The following HERC4 variants were observed in gnomAD, a reference collection of about 807,000 sequenced individuals.
The protein encoded by HERC4 is HECT and RLD domain containing E3 ubiquitin protein ligase 4, also known as probable E3 ubiquitin-protein ligase HERC4.
HERC4 carries 28 observed loss-of-function variants against 124.3 expected under a neutral mutation model. That is an observed-to-expected ratio of 0.23 (90% CI 0.17 to 0.31). The LOEUF is 0.31. HERC4 is among the 10% of genes least tolerant of loss of function. The pLI is 1.00. For synonymous variants in HERC4, 407 were observed against 421.5 expected, an observed-to-expected ratio of 0.97 and a Z score of 0.42; for missense variants, 713 against 1,229.3, an observed-to-expected ratio of 0.58 and a Z score of 6.28.
chr10:67,933,660 A>G (rs2032059382), intron 22 of HERC4, among the ~76,000 whole-genome samples: 1 of 152,132 alleles, frequency 6.6e-6, no homozygotes, highest in African/African-American at 2.4e-5. Flanking sequence ...TTTTCACATC[A>G]TTTTAAAAAC....
chr10:68,008,531 C>T (rs2037727942), intron 9 of HERC4, among the ~76,000 whole-genome samples: 1 of 152,068 alleles, frequency 6.6e-6, no homozygotes, highest in African/African-American at 2.4e-5. Context: ...GTGCTGCTGA[C>T]CGGTTGGGGA....
chr10:67,955,295 T>C (rs41274096), intron 17 of HERC4, 165 bp from the exon 18 acceptor site: 619 of 575,170 alleles, frequency 1.1e-3, no homozygotes, highest in Non-Finnish European at 1.5e-3. Flanking sequence ...CTTAATAAAC[T>C]GAGCATAAAG....
chr10:68,049,058 T>C (rs2040154093), intron 3 of HERC4, among the ~76,000 whole-genome samples: 1 of 152,136 alleles, frequency 6.6e-6, no homozygotes, highest in African/African-American at 2.4e-5. Context: ...AGGAATTTGT[T>C]CTACAGATAT....
intron 15 of HERC4, among the ~76,000 whole-genome samples, chr10:67,972,055 A>G (rs1051430357): frequency 3.3e-5 from 5 of 151,416 alleles, no homozygotes; most frequent in African/African-American, 9.7e-5. Context: ...CTTTACTACA[A>G]ATGTAAGAAT....
intron 3 of HERC4, among the ~76,000 whole-genome samples, chr10:68,053,310 C>CTT (rs201367135): frequency 2.4e-4 from 35 of 143,696 alleles, no homozygotes; most frequent in Admixed American, 1.8e-3. Context: ...AAGCACTACA[C>CTT]TTTTTTTTTT....
At chr10:68,018,626 A>C (rs978103775) in intron 8 of HERC4, among the ~76,000 whole-genome samples, 3 of 152,216 alleles carry the variant, frequency 2.0e-5, no homozygotes, top group African/African-American at 7.2e-5. Context: ...AGGTGGTTGT[A>C]TTTAAAATCA....
At chr10:68,032,983 C>G (rs1270535359) in intron 6 of HERC4, 114 bp from the exon 7 acceptor site, 2 of 636,390 alleles carry the variant, frequency 3.1e-6, no homozygotes, top group Admixed American at 5.1e-5. Flanking sequence ...ATAATTTTAA[C>G]TATGATTCGA....
intron 9 of HERC4, among the ~76,000 whole-genome samples, chr10:68,004,893 T>C (rs912432609): frequency 1.3e-5 from 2 of 152,136 alleles, no homozygotes; most frequent in African/African-American, 2.4e-5. Flanking sequence ...CGTTGACACA[T>C]GGGGATTATG....
At chr10:68,011,653 T>C (rs2037962396) in intron 9 of HERC4, among the ~76,000 whole-genome samples, 1 of 152,238 alleles carries the variant, frequency 6.6e-6, no homozygotes, top group Admixed American at 6.5e-5. Flanking sequence ...TACACCATGC[T>C]GTAAACAGAT....
chr10:67,951,337 G>A (rs1192219892), intron 19 of HERC4, among the ~76,000 whole-genome samples: 1 of 152,146 alleles, frequency 6.6e-6, no homozygotes, highest in Non-Finnish European at 1.5e-5. Flanking sequence ...ACTTACCTCA[G>A]AGGCCATTAG....
intron 9 of HERC4, chr10:68,010,770 G>C (rs2037902713): frequency 2.7e-6 from 4 of 1,496,848 alleles, no homozygotes; most frequent in African/African-American, 2.8e-5. Context: ...AGAACCCCCA[G>C]GGTAAGCCCC....
At chr10:68,069,447 A>C (rs1031107062) in intron 3 of HERC4, 1 of 985,370 alleles carries the variant, frequency 1.0e-6, no homozygotes, top group Non-Finnish European at 1.2e-6. Flanking sequence ...ACATGAACAT[A>C]ATCTGCACCT....
At chr10:67,971,566 C>G (rs2035236122) in intron 15 of HERC4, among the ~76,000 whole-genome samples, 1 of 151,966 alleles carries the variant, frequency 6.6e-6, no homozygotes, top group African/African-American at 2.4e-5. Flanking sequence ...GAAACAATAT[C>G]TGATAAAATT....
intron 15 of HERC4, among the ~76,000 whole-genome samples, chr10:67,973,940 G>C (rs145013992): frequency 6.6e-6 from 1 of 151,124 alleles, no homozygotes; most frequent in Non-Finnish European, 1.5e-5. Flanking sequence ...CCAGCTACTC[G>C]GGAGGCTGAG....
chr10:67,995,930 T>G, intron 9 of HERC4: 1 of 224,468 alleles, frequency 4.5e-6, no homozygotes, highest in Non-Finnish European at 9.1e-6. Context: ...TGATGCCTTG[T>G]TTCAATGTGT....
chr10:67,927,598 G>T (rs12415059), intron 23 of HERC4, among the ~76,000 whole-genome samples: 1 of 150,556 alleles, frequency 6.6e-6, no homozygotes, highest in Admixed American at 6.6e-5. Flanking sequence ...GCTAATTTTC[G>T]TATTTTTAGT....
In HERC4 at chr10:67,990,804, A is replaced by C. The variant is rs1294410889; in HGVS notation, c.1443+100T>G. 6.4e-6 allele frequency: 4 copies of C among 623,084 alleles called. No individual in the cohort carries two copies. The African/African-American group carries it at 7.6e-5, about 12-fold the overall frequency. The allele number at this position is 623,084 out of a possible 1,614,324, so 38.6% of individuals were successfully genotyped here. ...TCTTATTTTAAAAGCACATCGTAAG[A>C]GTCTGTGAAACTGCAAAGTAAATTA... On this transcript the variant is annotated intron_variant, in intron 13 of 24. Transcript: ENST00000373700.
chr10:68,012,478 G>A (rs1394072887), intron 9 of HERC4, among the ~76,000 whole-genome samples: 1 of 152,178 alleles, frequency 6.6e-6, no homozygotes, highest in Non-Finnish European at 1.5e-5. Flanking sequence ...TTTCAACACT[G>A]TTGTGCCTCA....
At chr10:68,072,853 A>T (rs768820749) in intron 3 of HERC4, 30 bp downstream of exon 3, 7 of 1,447,922 alleles carry the variant, frequency 4.8e-6, no homozygotes, top group Non-Finnish European at 6.6e-6. Context: ...ATTATTAAAA[A>T]TAGCAAATTT....
Sources: gnomAD v4.1 joint callset for allele counts (sites outside exome capture counted in the v4.1 genomes callset) on GRCh38, gnomAD v4.1.1 for gene constraint, MANE v1.5 for transcripts, NCBI Gene and HGNC (gene_info 2026-07-23, HGNC 2026-07-21) for gene names.